The following TTF2 variants were observed in gnomAD, a reference collection of about 807,000 sequenced individuals.
TTF2 encodes RNA polymerase II termination factor.
TTF2 carries 108 observed loss-of-function variants against 142.4 expected under a neutral mutation model. That is an observed-to-expected ratio of 0.76 (90% confidence interval 0.65 to 0.89). The LOEUF is 0.89. TTF2 is among the 40% of genes least tolerant of loss of function. The probability of loss-of-function intolerance (pLI) is 0.00; values close to 1 mark genes in which losing one functional copy is unlikely to be tolerated. For missense variants in TTF2, 1,327 were observed against 1,379.8 expected (o/e 0.96, Z 0.61); for synonymous variants, 483 against 506.2 (o/e 0.95, Z 0.61).
At position 117,102,291 on chromosome 1, in the gene TTF2, T is replaced by C. The variant is rs532893273; in HGVS notation, c.*767T>C. The C allele has an allele frequency of 1.1e-4, 17 of 152,376 alleles. No individual in the cohort carries two copies. In the East Asian group the frequency reaches 3.3e-3, roughly 29 times the overall value. The allele number at this position is 152,376 out of a possible 1,614,324, so 9.4% of individuals were successfully genotyped here. Reference sequence around the variant, plus strand: ...GTGATGTTGCACCTGTAACCATCTTTTTATGGGTGGAGCAGAGAGTCAATC... The same window carrying C: ...GTGATGTTGCACCTGTAACCATCTTCTTATGGGTGGAGCAGAGAGTCAATC... On this transcript the variant is annotated 3_prime_UTR_variant, in exon 23 of 23. Transcript: ENST00000369466.
Position 117,066,893 on chromosome 1 carries a change from G to T in TTF2, c.218+4420G>T, listed in dbSNP as rs367749764. On this transcript the variant is annotated intron_variant, in intron 3 of 22. Coordinates refer to ENST00000369466, the MANE Select transcript of TTF2 (RefSeq NM_003594.4). ...AATTTTTGTATTTTTAGTAGACATGGGCTTTTGCCATGTTGGCCAGGCTGG... is the reference window on the plus strand; with the variant it reads ...AATTTTTGTATTTTTAGTAGACATGTGCTTTTGCCATGTTGGCCAGGCTGG... Among the ~76,000 whole-genome samples the T allele has an allele frequency of 7.9e-5, 12 of 152,058 alleles. No individual in the cohort carries two copies. The East Asian group carries it at 1.9e-3, about 25-fold the overall frequency.
intron 2 of TTF2, among the ~76,000 whole-genome samples, chr1:117,060,773 C>A (rs377156688): frequency 3.3e-5 from 5 of 152,200 alleles, no homozygotes; most frequent in African/African-American, 9.7e-5. Context: ...CTGGTTACCC[C>A]CCTCTCTGGG....
chr1:117,092,971 T>G lies in TTF2; in HGVS notation c.2976+70T>G. 6.4e-7 allele frequency: 1 copy of G among 1,566,596 alleles called. No individual in the cohort carries two copies. ...CACACATTTTCCTGTGTGACAGCAC[T>G]TCATTTGTCCAAGTGGGAACAGCCA... On this transcript the variant is annotated intron_variant, in intron 18 of 22. Transcript: ENST00000369466. This position sits in a 1 kb window ranked among gnomAD's most constrained non-coding sequence, Gnocchi z 4.4.
chr1:117,089,260 C>CTATATATATATATATATATATATATA (rs10524337), intron 13 of TTF2, among the ~76,000 whole-genome samples: 1,473 of 136,946 alleles, frequency 0.011, 42 homozygotes, highest in Non-Finnish European at 0.012. Flanking sequence ...CAAATATATG[C>CTATATATATATATATATATATATATA]TATATATATA....
Position 117,092,270 on chromosome 1 carries a change from A to G in TTF2, c.2805+320A>G, listed in dbSNP as rs1293038769. On this transcript the variant is annotated intron_variant, in intron 17 of 22. Transcript: ENST00000369466. This position sits in a 1 kb window ranked among gnomAD's most constrained non-coding sequence, Gnocchi z 4.4. ...TTTGTGAATGCTCTGGTACTTCAGA[A>G]TGTCATAAAGCTAATTTAGTTCTTG... Among the ~76,000 whole-genome samples, 1 of 152,194 alleles carries G rather than the reference A, an allele frequency of 6.6e-6. No homozygotes were observed. Among genetic ancestry groups the G allele is most frequent in the African/African-American group, 2.4e-5 (1 of 41,426 alleles).
chr1:117,090,603 T>G lies in TTF2; in HGVS notation c.2568T>G (p.Asn856Lys), dbSNP rs1557825667. The change falls in exon 15 of 23, where the codon AAT (asparagine) becomes AAG (lysine). Residue 856 changes from asparagine (N) to lysine (K), a missense_variant. Coordinates refer to ENST00000369466, the MANE Select transcript of TTF2 (RefSeq NM_003594.4). This position sits in a 1 kb window ranked among gnomAD's most constrained non-coding sequence, Gnocchi z 4.8. Reference protein sequence around the residue: ...KLSEDEETVYNVFFARSRSAL... With the variant: ...KLSEDEETVYKVFFARSRSAL... ...CTGAAGATGAAGAGACTGTTTACAA[T>G]GTGTTTTTTGCAAGATCAAGGTGTG... is the stretch of plus-strand genomic sequence containing the variant. 6.2e-7 allele frequency: 1 copy of G among 1,614,048 alleles called. No homozygotes were observed. Among genetic ancestry groups the G allele is most frequent in the Non-Finnish European group, 8.5e-7 (1 of 1,179,964 alleles).
At position 117,085,229 on chromosome 1, in the gene TTF2, G is replaced by A. The variant is rs1647901706; in HGVS notation, c.2054+1061G>A. Among the ~76,000 whole-genome samples, 1 of 152,150 alleles carries A rather than the reference G, an allele frequency of 6.6e-6. No homozygotes were observed. The highest frequency in any genetic ancestry group is 2.4e-5 in the African/African-American group (1 of 41,412). On this transcript the variant is annotated intron_variant, in intron 11 of 22. Transcript: ENST00000369466. This position sits in a 1 kb window ranked among gnomAD's most constrained non-coding sequence, Gnocchi z 4.7. Reference sequence around the variant, plus strand: ...TAGACACTGCTGCCTCTCTGAATTAGGCATATCATTTTTATCAAAAGTATT... The same window carrying A: ...TAGACACTGCTGCCTCTCTGAATTAAGCATATCATTTTTATCAAAAGTATT...
intron 18 of TTF2, among the ~76,000 whole-genome samples, chr1:117,094,451 G>C (rs1312709475): frequency 6.6e-6 from 1 of 152,106 alleles, no homozygotes; most frequent in East Asian, 1.9e-4. Context: ...GCACTCCAAA[G>C]TCATGCCCCA....
Position 117,076,873 on chromosome 1 carries a change from A to G in TTF2, c.1573+50A>G. Reference sequence around the variant, plus strand: ...CTGTGAATAGCCACCCCTGTGAGTTACGTGCCACCCGGTACAGTAGTCACC... The same window carrying G: ...CTGTGAATAGCCACCCCTGTGAGTTGCGTGCCACCCGGTACAGTAGTCACC... On this transcript the variant is annotated intron_variant, in intron 7 of 22. Transcript: ENST00000369466. The surrounding 1 kb of genome is among the most constrained non-coding windows in gnomAD (Gnocchi z 4.6). The G allele has an allele frequency of 6.5e-7, 1 of 1,541,580 alleles. No homozygotes were observed. The highest frequency in any genetic ancestry group is 8.8e-7 in the Non-Finnish European group (1 of 1,137,464).
chr1:117,091,833 G>T lies in TTF2; in HGVS notation c.2688G>T (p.Gly896=). 3.1e-6 allele frequency: 5 copies of T among 1,613,058 alleles called. No individual in the cohort carries two copies. The highest frequency in any genetic ancestry group is 3.4e-6 in the Non-Finnish European group (4 of 1,179,542). The stretch of plus-strand genomic sequence containing the variant: ...TCTTGGAAGTGGCACTGGAGTTTGG[G>T]TCTGAGGAGCCTAGACACTCGGAGG... The part of the protein sequence containing the change: ...NPFSRVALEF[G]SEEPRHSEAA... Residue 896 remains glycine (G), a synonymous_variant, in exon 17 of 23, where the codon GGG becomes GGT. Transcript: ENST00000369466.
intron 3 of TTF2, among the ~76,000 whole-genome samples, chr1:117,067,175 T>C (rs1570794906): frequency 6.6e-6 from 1 of 152,344 alleles, no homozygotes; most frequent in East Asian, 1.9e-4. Context: ...GTATGTTACA[T>C]GTATTTCTCT....
In TTF2 at chr1:117,075,851, C is replaced by T; in HGVS notation, c.1267C>T (p.Gln423Ter). ...RRVYLTTQLKQKKSTLASVNI... is the reference protein window; with the variant it reads ...RRVYLTTQLK ...TGTCTACCTTACAACACAACTGAAACAAAAGAAGGTAACTATTGACTCGTG... is the reference window on the plus strand; with the variant it reads ...TGTCTACCTTACAACACAACTGAAATAAAAGAAGGTAACTATTGACTCGTG... The change falls in exon 5 of 23, where the codon CAA becomes TAA. Residue 423 changes from glutamine to a stop codon, truncating the protein, a stop_gained. Coordinates refer to ENST00000369466, the MANE Select transcript of TTF2 (RefSeq NM_003594.4). LOFTEE classifies it high-confidence loss of function. The surrounding 1 kb of genome is among the most constrained non-coding windows in gnomAD (Gnocchi z 4.5). 1 of 1,603,386 alleles carries T rather than the reference C, an allele frequency of 6.2e-7. No individual in the cohort carries two copies. The highest frequency in any genetic ancestry group is 8.5e-7 in the Non-Finnish European group (1 of 1,176,160).
intron 20 of TTF2, 147 bp downstream of exon 20, chr1:117,096,446 T>C: frequency 9.9e-7 from 1 of 1,006,882 alleles, no homozygotes; most frequent in Admixed American, 2.7e-5. Context: ...AGTGCTATCT[T>C]GGCTCACCGC....
chr1:117,089,260 CTA>C (rs10524337), intron 13 of TTF2, among the ~76,000 whole-genome samples: 65,471 of 137,436 alleles, frequency 0.48, 17,872 homozygotes, highest in East Asian at 0.76. Context: ...CAAATATATG[CTA>C]TATATATATA....
rs1434863230 is a variant in TTF2 at position 117,076,357 on chromosome 1, G to A, written c.1390+63G>A. ...CGACTTTACAAGAGACATTCGGGAA[G>A]CCCTTTTAATAAAGAATGTGTTGAT... On this transcript the variant is annotated intron_variant, in intron 6 of 22. Coordinates refer to ENST00000369466, the MANE Select transcript of TTF2 (RefSeq NM_003594.4). This position sits in a 1 kb window ranked among gnomAD's most constrained non-coding sequence, Gnocchi z 4.6. 10 of 1,326,742 alleles carry A rather than the reference G, an allele frequency of 7.5e-6. No individual in the cohort carries two copies. The highest frequency in any genetic ancestry group is 2.2e-5 in the Admixed American group (1 of 44,942). The allele number at this position is 1,326,742 out of a possible 1,614,324, so 82.2% of individuals were successfully genotyped here. A position where few individuals can be genotyped will look rare whatever the true frequency, so the allele number is the denominator to read the frequency against.
Position 117,098,849 on chromosome 1 carries a change from G to A in TTF2, c.3286G>A (p.Asp1096Asn). The A allele has an allele frequency of 6.2e-7, 1 of 1,612,086 alleles. No individual in the cohort carries two copies. The highest frequency in any genetic ancestry group is 8.5e-7 in the Non-Finnish European group (1 of 1,179,514). The change falls in exon 22 of 23, where the codon GAT becomes AAT. Residue 1096 changes from aspartate (D) to asparagine (N), a missense_variant. Asp to Asn is a conservative substitution (Grantham distance 23). Transcript: ENST00000369466. ...TTCTAACAGGAATCCATCACTTGAAGATCAAGCTTGTGACCGAATTTACCG... is the reference window on the plus strand; with the variant it reads ...TTCTAACAGGAATCCATCACTTGAAAATCAAGCTTGTGACCGAATTTACCG... ...LDMHWNPSLEDQACDRIYRVG... is the reference protein window; with the variant it reads ...LDMHWNPSLENQACDRIYRVG...
rs748139695 is a variant in TTF2, at chr1:117,076,218, C to T, written c.1314C>T (p.Asp438=). The change falls in exon 6 of 23, where the codon GAC becomes GAT. Residue 438 remains aspartate, a synonymous_variant. Coordinates refer to ENST00000369466, the MANE Select transcript of TTF2 (RefSeq NM_003594.4). The surrounding 1 kb of genome is among the most constrained non-coding windows in gnomAD (Gnocchi z 4.6). ...CAGTGAACATCCAGGCTCTTCCAGA[C>T]AAGGGTCAGAAGTTGATCAAACAAA... ...LASVNIQALP[D]KGQKLIKQIQ... is the part of the protein sequence containing the mutation. 4 of 1,613,960 alleles carry T rather than the reference C, an allele frequency of 2.5e-6. No homozygotes were observed. Among genetic ancestry groups the T allele is most frequent in the South Asian group, 2.2e-5 (2 of 91,078 alleles).
chr1:117,068,737 GC>G (rs1656353918), intron 3 of TTF2, among the ~76,000 whole-genome samples: 2 of 152,102 alleles, frequency 1.3e-5, no homozygotes, highest in Admixed American at 1.3e-4. Context: ...TGATAGAGAG[GC>G]AACCAGGCAT....
rs138413577 is a variant in TTF2 at position 117,101,425 on chromosome 1, A to C, written c.3390A>C (p.Gln1130His). Residue 1130 changes from glutamine to histidine, a missense_variant, in exon 23 of 23, where the codon CAA (glutamine) becomes CAC (histidine). Transcript: ENST00000369466. The surrounding 1 kb of genome is among the most constrained non-coding windows in gnomAD (Gnocchi z 5.9). Reference protein sequence around the residue: ...GTVEEKILQLQEKKKDLAKQV... With the variant: ...GTVEEKILQLHEKKKDLAKQV... ...TAGAAGAAAAGATCTTACAGCTCCA[A>C]GAAAAAAAGAAAGATTTGGCCAAAC... 1.9e-6 allele frequency: 3 copies of C among 1,608,936 alleles called. No homozygotes were observed. Among genetic ancestry groups the C allele is most frequent in the Non-Finnish European group, 2.5e-6 (3 of 1,178,968 alleles).
Sources: gnomAD v4.1 joint callset for allele counts (sites outside exome capture counted in the v4.1 genomes callset) on GRCh38, gnomAD v4.1.1 for gene constraint, Gnocchi (gnomAD v3.1) non-coding constraint, MANE v1.5 for transcripts, NCBI Gene and HGNC (gene_info 2026-07-23, HGNC 2026-07-21) for gene names.